The following PGRMC2 variants were observed in gnomAD, a reference collection of about 807,000 sequenced individuals.
PGRMC2 encodes membrane-associated progesterone receptor component 2.
A neutral mutation model predicts 19.3 loss-of-function variants in PGRMC2; 9 were observed. The observed-to-expected ratio is 0.47, with a 90% CI of 0.28 to 0.81. The LOEUF (loss-of-function observed/expected upper bound fraction) is 0.81, where lower values mean the gene tolerates loss of function less well. Ranked by LOEUF, PGRMC2 falls within the 40% of genes least tolerant of loss-of-function variation. The pLI is 0.11. For synonymous variants in PGRMC2, 157 were observed against 124.6 expected (o/e 1.26, Z -1.73); for missense variants, 289 against 297.3 (o/e 0.97, Z 0.21).
At chr4:128,280,541 C>T (rs890776435) in intron 1 of PGRMC2, among the ~76,000 whole-genome samples, 1 of 151,764 alleles carries the variant, frequency 6.6e-6, no homozygotes, top group African/African-American at 2.4e-5. Context: ...AACTACAAGC[C>T]GACTCCTCAC....
chr4:128,286,092 A>ATATTTTTTTTTTTTTTTT (rs765556856), intron 1 of PGRMC2, among the ~76,000 whole-genome samples: 1 of 150,502 alleles, frequency 6.6e-6, no homozygotes. Context: ...AGAAGTATAT[A>ATATTTTTTTTTTTTTTTT]TTTTTAAGTG....
At chr4:128,281,849 G>A (rs975140355) in intron 1 of PGRMC2, among the ~76,000 whole-genome samples, 12 of 152,206 alleles carry the variant, frequency 7.9e-5, no homozygotes, top group Middle Eastern at 3.4e-3. Context: ...GGCTTTGCTC[G>A]GTATAGAAAG....
intron 2 of PGRMC2, 151 bp from the exon 3 acceptor site, chr4:128,271,564 G>C: frequency 1.9e-6 from 1 of 528,010 alleles, no homozygotes; most frequent in Non-Finnish European, 3.3e-6. Context: ...CACCATGGCT[G>C]GTCTTTATAC....
At position 128,287,583 on chromosome 4, in the gene PGRMC2, G is replaced by A; in HGVS notation, c.208C>T (p.Arg70Trp). The A allele has an allele frequency of 2.1e-6, 2 of 933,546 alleles. No individual in the cohort carries two copies. The highest frequency in any genetic ancestry group is 3.1e-5 in the Admixed American group (1 of 32,066). The allele number at this position is 933,546 out of a possible 1,614,324, so 57.8% of individuals were successfully genotyped here. A position where few individuals can be genotyped will look rare whatever the true frequency, so the allele number is the denominator to read the frequency against. ...LVALVLLGAY[R>W]LWVRWGRRGL... ...CGCCGCCCCCAGCGCACCCACAGCC[G>A]GTAGGCCCCCAGCAGCACCAGAGCC... Residue 70 changes from arginine (R) to tryptophan (W), a missense_variant, in exon 1 of 3, where the codon CGG becomes TGG. By Grantham distance (101) the Arg-to-Trp change is moderately radical (BLOSUM62 -3). Transcript: ENST00000296425.
chr4:128,276,503 G>A (rs979843216), intron 1 of PGRMC2, among the ~76,000 whole-genome samples: 64 of 152,082 alleles, frequency 4.2e-4, no homozygotes, highest in African/African-American at 1.4e-3. Flanking sequence ...ATTTTTGGTA[G>A]AGAGGGGGTT....
Position 128,272,465 on chromosome 4 carries a change from T to C in PGRMC2, c.471A>G (p.Thr157=). ...TAAGTGCATCTTTATCTAGGCAAAA[T>C]GTGGCCAGTCCTCTGGAGGCATCCC... ...AGRDASRGLA[T]FCLDKDALRD... Residue 157 remains threonine (T), a synonymous_variant, in exon 2 of 3, where the codon ACA becomes ACG. Coordinates refer to ENST00000296425, the MANE Select transcript of PGRMC2 (RefSeq NM_006320.6). The C allele has an allele frequency of 1.3e-6, 2 of 1,585,608 alleles. No homozygotes were observed. The highest frequency in any genetic ancestry group is 1.7e-6 in the Non-Finnish European group (2 of 1,167,240).
At position 128,274,515 on chromosome 4, in the gene PGRMC2, GAAAAAAAAA is replaced by G. The variant is rs34809072; in HGVS notation, c.419-2007_419-1999del. On this transcript the variant is annotated intron_variant, in intron 1 of 2. Coordinates refer to ENST00000296425, the MANE Select transcript of PGRMC2 (RefSeq NM_006320.6). ...GAGAAAGCAAGACTCCTTCTCCAAA[GAAAAAAAAA>G]AAAAAAAAAAAAAGGTATTAACCAG... Among the ~76,000 whole-genome samples the G allele has an allele frequency of 5.6e-3, 295 of 52,906 alleles. 1 individual carries two copies. Among genetic ancestry groups the G allele is most frequent in the Admixed American group, 0.01 (42 of 4,144 alleles). 34.7% of individuals were successfully genotyped at this position (52,906 alleles called of 152,430 possible).
rs747302016 is a variant in PGRMC2, at chr4:128,280,352, G to GAAAAAAAAAAAAAAA, written c.418+7020_418+7021insTTTTTTTTTTTTTTT. Among the ~76,000 whole-genome samples the GAAAAAAAAAAAAAAA allele has an allele frequency of 6.6e-5, 4 of 60,540 alleles. 2 individuals are homozygous for GAAAAAAAAAAAAAAA. Among genetic ancestry groups the GAAAAAAAAAAAAAAA allele is most frequent in the African/African-American group, 1.4e-4 (2 of 14,620 alleles). 39.7% of individuals were successfully genotyped at this position (60,540 alleles called of 152,430 possible). A position where few individuals can be genotyped will look rare whatever the true frequency, so the allele number is the denominator to read the frequency against. On this transcript the variant is annotated intron_variant, in intron 1 of 2. Transcript: ENST00000296425. ...GCAATAAGTAACAGCAAATTTTCTG[G>GAAAAAAAAAAAAAAA]GAAAAAAAAAAAAAAAAAAAAAAGG...
At chr4:128,282,877 G>C (rs1760929268) in intron 1 of PGRMC2, among the ~76,000 whole-genome samples, 1 of 152,166 alleles carries the variant, frequency 6.6e-6, no homozygotes, top group Non-Finnish European at 1.5e-5. Flanking sequence ...AGGTACATGT[G>C]TTCTTTTCCC....
Position 128,278,992 on chromosome 4 carries a change from C to T in PGRMC2, c.419-6475G>A, listed in dbSNP as rs927610923. 2.6e-5 allele frequency among the ~76,000 whole-genome samples: 4 copies of T among 152,006 alleles called. No homozygotes were observed. The East Asian group carries it at 7.7e-4, about 29-fold the overall frequency. ...GGGAGGCTGAGGTGGGCGGATTGCC[C>T]GAGGTCAGGAGTTCGAGACCAGACT... On this transcript the variant is annotated intron_variant, in intron 1 of 2. Coordinates refer to ENST00000296425, the MANE Select transcript of PGRMC2 (RefSeq NM_006320.6).
At chr4:128,274,221 A>ACATT (rs1729988900) in intron 1 of PGRMC2, among the ~76,000 whole-genome samples, 2 of 152,192 alleles carry the variant, frequency 1.3e-5, no homozygotes, top group Admixed American at 1.3e-4. Flanking sequence ...ATCTCAACTG[A>ACATT]CATTCAAAAG....
intron 1 of PGRMC2, among the ~76,000 whole-genome samples, chr4:128,279,627 CAA>C (rs1205101367): frequency 1.3e-5 from 2 of 152,182 alleles, no homozygotes; most frequent in East Asian, 1.9e-4. Flanking sequence ...AGACTGAAAA[CAA>C]ATGTTAACAG....
At chr4:128,271,713 AG>A (rs930320880) in intron 2 of PGRMC2, among the ~76,000 whole-genome samples, 1 of 152,206 alleles carries the variant, frequency 6.6e-6, no homozygotes, top group Non-Finnish European at 1.5e-5. Flanking sequence ...TTTAAAAATG[AG>A]TAAGTCCAGG....
Position 128,287,783 on chromosome 4 carries a change from G to C in PGRMC2, c.8C>G (p.Ala3Gly). 6.7e-7 allele frequency: 1 copy of C among 1,487,010 alleles called. No individual in the cohort carries two copies. Among genetic ancestry groups the C allele is most frequent in the Middle Eastern group, 1.8e-4 (1 of 5,574 alleles). The allele number at this position is 1,487,010 out of a possible 1,614,324, so 92.1% of individuals were successfully genotyped here. A position where few individuals can be genotyped will look rare whatever the true frequency, so the allele number is the denominator to read the frequency against. The part of the protein sequence containing the change: MA[A>G]GDGDVKLGTL... ...GCCTAGCTTCACGTCCCCATCACCA[G>C]CCGCCATCACTGCCCGCCAGCGCCT... The change falls in exon 1 of 3, where the codon GCT becomes GGT. Residue 3 changes from alanine to glycine, a missense_variant. Transcript: ENST00000296425.
chr4:128,287,325 T>G (rs1293544504), intron 1 of PGRMC2, 48 bp downstream of exon 1: 1 of 1,553,776 alleles, frequency 6.4e-7, no homozygotes, highest in Non-Finnish European at 8.7e-7. Flanking sequence ...CGAAGGGGGT[T>G]GTGCTTCAGC....
At position 128,270,930 on chromosome 4, in the gene PGRMC2, G is replaced by A. The variant is rs1311364987; in HGVS notation, c.*386C>T. The A allele has an allele frequency of 1.3e-5, 2 of 158,152 alleles. No homozygotes were observed. Among genetic ancestry groups the A allele is most frequent in the African/African-American group, 4.8e-5 (2 of 41,458 alleles). 9.8% of individuals were successfully genotyped at this position (158,152 alleles called of 1,614,324 possible). On this transcript the variant is annotated 3_prime_UTR_variant, in exon 3 of 3. Transcript: ENST00000296425. Reference sequence around the variant, plus strand: ...GGAGTCCCTTGATGTTTCTTGAGGAGATCTGTACACTTGAGTAGCAAATAC... The same window carrying A: ...GGAGTCCCTTGATGTTTCTTGAGGAAATCTGTACACTTGAGTAGCAAATAC...
intron 1 of PGRMC2, among the ~76,000 whole-genome samples, chr4:128,273,518 A>G (rs1263147123): frequency 6.6e-6 from 1 of 152,216 alleles, no homozygotes; most frequent in African/African-American, 2.4e-5. Context: ...TTCTGTAAAC[A>G]GATTCACTTA....
At chr4:128,274,774 T>C (rs961178203) in intron 1 of PGRMC2, among the ~76,000 whole-genome samples, 1 of 151,974 alleles carries the variant, frequency 6.6e-6, no homozygotes, top group African/African-American at 2.4e-5. Context: ...AAGTGAAACA[T>C]ACAAAAGGAA....
Position 128,271,066 on chromosome 4 carries a change from A to C in PGRMC2, c.*250T>G. The C allele has an allele frequency of 3.1e-6, 1 of 319,562 alleles. No homozygotes were observed. Among genetic ancestry groups the C allele is most frequent in the Non-Finnish European group, 5.7e-6 (1 of 176,074 alleles). The allele number at this position is 319,562 out of a possible 1,614,324, so 19.8% of individuals were successfully genotyped here. On this transcript the variant is annotated 3_prime_UTR_variant, in exon 3 of 3. Coordinates refer to ENST00000296425, the MANE Select transcript of PGRMC2 (RefSeq NM_006320.6). ...ATTGTGACTTTCTTGCTCTTTAAAA[A>C]AATCCCTGTCTCCTTCTTTTCAGGA...
Sources: gnomAD v4.1 joint callset for allele counts (sites outside exome capture counted in the v4.1 genomes callset) on GRCh38, gnomAD v4.1.1 for gene constraint, MANE v1.5 for transcripts, NCBI Gene and HGNC (gene_info 2026-07-23, HGNC 2026-07-21) for gene names.